Variants in PGAP1 observed in about 807,000 individuals in gnomAD.
The protein encoded by PGAP1 is GPI inositol-deacylase.
A neutral mutation model predicts 127.0 loss-of-function variants in PGAP1; 76 were observed. That is an observed-to-expected ratio of 0.60 (90% CI 0.50 to 0.72). The LOEUF (loss-of-function observed/expected upper bound fraction) is 0.72, where lower values mean the gene tolerates loss of function less well. Ranked by LOEUF, PGAP1 falls within the 30% of genes least tolerant of loss-of-function variation. The pLI is 0.00. For missense variants in PGAP1, 982 were observed against 1,071.3 expected (o/e 0.92, Z 1.16); for synonymous variants, 362 against 366.5 (o/e 0.99, Z 0.14).
intron 1 of PGAP1, among the ~76,000 whole-genome samples, chr2:196,920,499 A>G (rs943316852): frequency 6.6e-6 from 1 of 152,170 alleles, no homozygotes; most frequent in African/African-American, 2.4e-5. Context: ...AGTATCAATT[A>G]TACTTAGAAA....
intron 4 of PGAP1, 48 bp from the exon 5 acceptor site, chr2:196,902,790 G>A (rs201443293): frequency 7.2e-7 from 1 of 1,387,630 alleles, no homozygotes; most frequent in African/African-American, 1.4e-5. Context: ...GCCATTCCCT[G>A]AAACAATAAG....
At chr2:196,911,827 T>C (rs1255410019) in intron 4 of PGAP1, among the ~76,000 whole-genome samples, 3 of 152,216 alleles carry the variant, frequency 2.0e-5, no homozygotes, top group Non-Finnish European at 2.9e-5. Context: ...ACTATTTGAT[T>C]AGACGATGTC....
chr2:196,916,199 A>G (rs995645902), intron 3 of PGAP1, among the ~76,000 whole-genome samples: 22 of 152,202 alleles, frequency 1.4e-4, no homozygotes, highest in African/African-American at 5.3e-4. Context: ...AGTTTTAAAA[A>G]GTTTTTCTTC....
chr2:196,891,040 C>T (rs1702083877), intron 9 of PGAP1, 129 bp from the exon 10 acceptor site: 1 of 565,952 alleles, frequency 1.8e-6, no homozygotes, highest in Admixed American at 2.9e-5. Flanking sequence ...AGAACCAATT[C>T]TCTAGGAGTG....
At position 196,842,057 on chromosome 2, in the gene PGAP1, A is replaced by C. The variant is rs187869073; in HGVS notation, c.2630+664T>G. ...ATTTTAACCCTACTTATAAAAAAAA[A>C]AAACAAAAAACCAAAGAACCATCTT... On this transcript the variant is annotated intron_variant, in intron 26 of 26. Transcript: ENST00000354764. Among the ~76,000 whole-genome samples the C allele has an allele frequency of 2.5e-3, 381 of 151,794 alleles. 2 individuals are homozygous for C. The highest frequency in any genetic ancestry group is 8.8e-3 in the African/African-American group (364 of 41,506).
At position 196,926,509 on chromosome 2, in the gene PGAP1, C is replaced by G. The variant is rs753729948; in HGVS notation, c.108G>C (p.Lys36Asn). Residue 36 changes from lysine (K) to asparagine (N), a missense_variant, in exon 1 of 27, where the codon AAG (lysine) becomes AAC (asparagine). By Grantham distance (94) the Lys-to-Asn change is moderately conservative (BLOSUM62 0). Coordinates refer to ENST00000354764, the MANE Select transcript of PGAP1 (RefSeq NM_024989.4). Reference sequence around the variant, plus strand: ...ACTCAAACATGTAGCTCATACTGCACTTATTCTCCTCGAAGCCGAAGAAGA... The same window carrying G: ...ACTCAAACATGTAGCTCATACTGCAGTTATTCTCCTCGAAGCCGAAGAAGA... Reference protein sequence around the residue: ...WDVFFGFEENKCSMSYMFEYP... With the variant: ...WDVFFGFEENNCSMSYMFEYP... 6.2e-7 allele frequency: 1 copy of G among 1,612,746 alleles called. No individual in the cohort carries two copies. The highest frequency in any genetic ancestry group is 8.5e-7 in the Non-Finnish European group (1 of 1,179,272).
chr2:196,866,157 T>C (rs975913208), intron 19 of PGAP1, among the ~76,000 whole-genome samples: 2 of 152,172 alleles, frequency 1.3e-5, no homozygotes, highest in African/African-American at 4.8e-5. Flanking sequence ...AGAGCCAGCA[T>C]AGCCAAGACA....
At position 196,844,574 on chromosome 2, in the gene PGAP1, C is replaced by T. The variant is rs143960563; in HGVS notation, c.2287G>A (p.Val763Ile). The change falls in exon 24 of 27, where the codon GTT becomes ATT. Residue 763 changes from valine (V) to isoleucine (I), a missense_variant and splice_region_variant. Coordinates refer to ENST00000354764, the MANE Select transcript of PGAP1 (RefSeq NM_024989.4). ...LLSYLYYVFKVVHLQASLTTF... is the reference protein window; with the variant it reads ...LLSYLYYVFKIVHLQASLTTF... ...GTTAAGCTGGCTTGCAGATGAACAA[C>T]CTAAGAAAAATAAATTGCTCTTTAA... The T allele has an allele frequency of 1.3e-4, 205 of 1,587,500 alleles. No homozygotes were observed. The African/African-American group carries it at 2.5e-3, about 20-fold the overall frequency.
intron 7 of PGAP1, among the ~76,000 whole-genome samples, chr2:196,894,757 G>A (rs895799224): frequency 7.9e-5 from 12 of 152,116 alleles, no homozygotes; most frequent in Non-Finnish European, 2.9e-5. Flanking sequence ...AGCCGAGATC[G>A]CGCCACTGCA....
intron 5 of PGAP1, among the ~76,000 whole-genome samples, chr2:196,900,710 G>A (rs2125825893): frequency 6.6e-6 from 1 of 152,274 alleles, no homozygotes; most frequent in African/African-American, 2.4e-5. Context: ...TGAACCACGA[G>A]GTCAGGAGAT....
intron 20 of PGAP1, among the ~76,000 whole-genome samples, chr2:196,856,462 T>C (rs553077645): frequency 4.6e-5 from 7 of 152,374 alleles, no homozygotes; most frequent in African/African-American, 1.7e-4. Context: ...TACTACTTGA[T>C]AAACTAGACT....
chr2:196,844,630 A>G, intron 23 of PGAP1, 56 bp from the exon 24 acceptor site: 1 of 1,237,702 alleles, frequency 8.1e-7, no homozygotes, highest in Non-Finnish European at 1.1e-6. Flanking sequence ...AAAACATATA[A>G]GCCTTTTGGT....
intron 3 of PGAP1, among the ~76,000 whole-genome samples, chr2:196,914,230 T>G (rs576538667): frequency 1.4e-4 from 21 of 152,320 alleles, no homozygotes; most frequent in African/African-American, 4.8e-4. Flanking sequence ...AGTGTATAAA[T>G]ATACTGGCAT....
At chr2:196,846,712 C>A (rs1204371086) in intron 22 of PGAP1, among the ~76,000 whole-genome samples, 2 of 152,136 alleles carry the variant, frequency 1.3e-5, no homozygotes, top group African/African-American at 4.8e-5. Context: ...ATGGGAGAAA[C>A]AATCCCTCCT....
chr2:196,902,612 G>A lies in PGAP1; in HGVS notation c.780C>T (p.Ser260=), dbSNP rs1296443591. 1 of 1,612,962 alleles carries A rather than the reference G, an allele frequency of 6.2e-7. No homozygotes were observed. Among genetic ancestry groups the A allele is most frequent in the Non-Finnish European group, 8.5e-7 (1 of 1,179,504 alleles). The change falls in exon 5 of 27, where the codon AGC becomes AGT. Residue 260 remains serine, a synonymous_variant. Transcript: ENST00000354764. The part of the protein sequence containing the change: ...RSGLTFLPKL[S]HHTSALSVVS... ...CAACAGATAAGGCACTGGTATGATG[G>A]CTTAATTTTGGTAGAAAAGTCAATC...
chr2:196,916,651 T>G, intron 2 of PGAP1, 58 bp from the exon 3 acceptor site: 1 of 1,458,354 alleles, frequency 6.9e-7, no homozygotes, highest in Non-Finnish European at 9.1e-7. Flanking sequence ...TCATCCATTC[T>G]TTCTTCAGAA....
At position 196,838,130 on chromosome 2, in the gene PGAP1, A is replaced by T. The variant is rs1700287091; in HGVS notation, c.*3104T>A. 1 of 152,258 alleles carries T rather than the reference A, an allele frequency of 6.6e-6. No homozygotes were observed. Among genetic ancestry groups the T allele is most frequent in the Admixed American group, 6.5e-5 (1 of 15,290 alleles). The allele number at this position is 152,258 out of a possible 1,614,324, so 9.4% of individuals were successfully genotyped here. ...AGTAACTCCAAAGGAGGCTTTAGAA[A>T]TACTAAATGTTCCCAGTGTTTTCCT... On this transcript the variant is annotated 3_prime_UTR_variant, in exon 27 of 27. Transcript: ENST00000354764.
rs1701454057 is a variant in PGAP1, at chr2:196,872,975, G to A, written c.1604C>T (p.Ser535Leu). The change falls in exon 17 of 27, where the codon TCA becomes TTA. Residue 535 changes from serine (S) to leucine (L), a missense_variant. Ser to Leu is a moderately radical substitution (Grantham distance 145). Coordinates refer to ENST00000354764, the MANE Select transcript of PGAP1 (RefSeq NM_024989.4). The part of the protein sequence containing the change: ...RLHIPWSYED[S>L]LTIAQAPSST... ...AAATACTTACTGTGCAATGGTTAGT[G>A]AATCTTCATAAGACCAAGGAATATG... The A allele has an allele frequency of 9.3e-7, 1 of 1,076,064 alleles. No homozygotes were observed. Among genetic ancestry groups the A allele is most frequent in the East Asian group, 2.6e-5 (1 of 38,380 alleles). 66.7% of individuals were successfully genotyped at this position (1,076,064 alleles called of 1,614,324 possible).
rs1447722186 is a variant in PGAP1, at chr2:196,840,910, C to T, written c.*324G>A. 1.0e-5 allele frequency: 2 copies of T among 198,418 alleles called. No homozygotes were observed. The highest frequency in any genetic ancestry group is 2.0e-5 in the Non-Finnish European group (2 of 99,100). 12.3% of individuals were successfully genotyped at this position (198,418 alleles called of 1,614,324 possible). A position where few individuals can be genotyped will look rare whatever the true frequency, so the allele number is the denominator to read the frequency against. ...GAGACTGCAAATAATGCTGCATCTA[C>T]TAAATCTCTCATATCAGACTTCTCG... is the stretch of plus-strand genomic sequence containing the variant. On this transcript the variant is annotated 3_prime_UTR_variant, in exon 27 of 27. Transcript: ENST00000354764.
Sources: gnomAD v4.1 joint callset for allele counts (sites outside exome capture counted in the v4.1 genomes callset) on GRCh38, gnomAD v4.1.1 for gene constraint, MANE v1.5 for transcripts, NCBI Gene and HGNC (gene_info 2026-07-23, HGNC 2026-07-21) for gene names.